Variants in RPL7A observed in about 807,000 individuals in gnomAD.
RPL7A encodes the protein large ribosomal subunit protein eL8.
For synonymous variants in RPL7A, 158 were observed against 128.2 expected, an observed-to-expected ratio of 1.23 and a Z score of -1.57; for missense variants, 291 against 338.2, an observed-to-expected ratio of 0.86 and a Z score of 1.09.
intron 5 of RPL7A, 109 bp from the exon 6 acceptor site, chr9:133,350,488 C>T: frequency 3.8e-6 from 6 of 1,575,094 alleles, no homozygotes; most frequent in East Asian, 2.2e-5. Flanking sequence ...CTGAATTCAA[C>T]CTTGAAGTGC....
Position 133,349,656 on chromosome 9 carries a change from C to T in RPL7A, c.230C>T (p.Pro77Leu). The T allele has an allele frequency of 1.2e-6, 2 of 1,614,082 alleles. No homozygotes were observed. Among genetic ancestry groups the T allele is most frequent in the African/African-American group, 1.3e-5 (1 of 75,064 alleles). ...ATCCTCTATAAGCGGCTGAAAGTGCCTCCTGCGATTAACCAGTTCACCCAG... is the reference window on the plus strand; with the variant it reads ...ATCCTCTATAAGCGGCTGAAAGTGCTTCCTGCGATTAACCAGTTCACCCAG... Reference protein sequence around the residue: ...RAILYKRLKVPPAINQFTQAL... With the variant: ...RAILYKRLKVLPAINQFTQAL... Residue 77 changes from proline to leucine, a missense_variant, in exon 3 of 8, where the codon CCT (proline) becomes CTT (leucine). Physicochemically the swap from Pro to Leu is moderately conservative, Grantham distance 98. Transcript: ENST00000323345.
rs1281838525 is a variant in RPL7A, at chr9:133,350,566, A to G, written c.496-31A>G. On this transcript the variant is annotated intron_variant, in intron 5 of 7. Transcript: ENST00000323345. Reference sequence around the variant, plus strand: ...ACTGAAATTTGCTGCTTTTGGTCAAAATACAGTCTTCAGCTAATGCTTTCT... The same window carrying G: ...ACTGAAATTTGCTGCTTTTGGTCAAGATACAGTCTTCAGCTAATGCTTTCT... 7 of 1,614,024 alleles carry G rather than the reference A, an allele frequency of 4.3e-6. No individual in the cohort carries two copies. The Admixed American group carries it at 5.0e-5, about 12-fold the overall frequency.
intron 1 of RPL7A, 89 bp from the exon 2 acceptor site, chr9:133,348,833 G>A (rs2129981296): frequency 6.2e-7 from 1 of 1,602,572 alleles, no homozygotes; most frequent in South Asian, 1.1e-5. Context: ...TGCTGTCAGC[G>A]TCCCTTGTTT....
At chr9:133,348,644 G>A (rs1246104391) in intron 1 of RPL7A, 1 of 662,672 alleles carries the variant, frequency 1.5e-6, no homozygotes, top group African/African-American at 1.8e-5. Flanking sequence ...GAGGAGTCAT[G>A]AGTCCGGGGT....
At position 133,348,950 on chromosome 9, in the gene RPL7A, A is replaced by G; in HGVS notation, c.32A>G (p.Lys11Arg). 6.2e-7 allele frequency: 1 copy of G among 1,613,988 alleles called. No homozygotes were observed. Among genetic ancestry groups the G allele is most frequent in the Non-Finnish European group, 8.5e-7 (1 of 1,179,996 alleles). ...AAAGGAAAGAAGGCCAAGGGAAAGA[A>G]GGTGGCTCCGGCCCCAGCTGTCGTG... MPKGKKAKGK[K>R]VAPAPAVVKK... Residue 11 changes from lysine (K) to arginine (R), a missense_variant, in exon 2 of 8, where the codon AAG becomes AGG. Lys to Arg is a conservative substitution (Grantham distance 26, BLOSUM62 2). Coordinates refer to ENST00000323345, the MANE Select transcript of RPL7A (RefSeq NM_000972.3).
intron 7 of RPL7A, 86 bp from the exon 8 acceptor site, chr9:133,351,176 C>T: frequency 6.5e-7 from 1 of 1,536,682 alleles, no homozygotes; most frequent in South Asian, 1.1e-5. Context: ...CAGCTTGGAA[C>T]AGCCAAACAG....
intron 4 of RPL7A, 68 bp downstream of exon 4, chr9:133,350,120 C>G (rs2129991489): frequency 1.2e-6 from 2 of 1,613,380 alleles, no homozygotes; most frequent in African/African-American, 1.3e-5. Flanking sequence ...ATTTCTTGGC[C>G]TGAAATTACT....
At chr9:133,349,303 G>GTAC in intron 2 of RPL7A, 2 of 784,782 alleles carry the variant, frequency 2.5e-6, no homozygotes, top group South Asian at 2.8e-5. Flanking sequence ...TCGCAGCGAG[G>GTAC]TACTAGGACT....
chr9:133,350,063 C>T lies in RPL7A; in HGVS notation c.415+11C>T. ...CTGTCCTTCGAGCAGGTGAGTAGGC[C>T]CCACCTTAGGGTGAACACTGGGGGC... On this transcript the variant is annotated intron_variant, in intron 4 of 7. Transcript: ENST00000323345. 1 of 1,613,848 alleles carries T rather than the reference C, an allele frequency of 6.2e-7. No individual in the cohort carries two copies. The highest frequency in any genetic ancestry group is 8.5e-7 in the Non-Finnish European group (1 of 1,180,018).
intron 2 of RPL7A, 149 bp downstream of exon 2, chr9:133,349,191 T>C (rs2129984054): frequency 1.9e-5 from 19 of 994,120 alleles, no homozygotes; most frequent in Non-Finnish European, 2.9e-5. Context: ...CAATGATACA[T>C]GCTTCTTGCT....
rs1251360489 is a variant in RPL7A at position 133,349,586 on chromosome 9, T to C, written c.160T>C (p.Phe54Leu). Residue 54 changes from phenylalanine (F) to leucine (L), a missense_variant, in exon 3 of 8, where the codon TTT (phenylalanine) becomes CTT (leucine). Transcript: ENST00000323345. ...DIQPKRDLTR[F>L]VKWPRYIRLQ... Reference sequence around the variant, plus strand: ...CCAGCCCAAAAGAGACCTCACCCGCTTTGTGAAATGGCCCCGCTATATCAG... The same window carrying C: ...CCAGCCCAAAAGAGACCTCACCCGCCTTGTGAAATGGCCCCGCTATATCAG... 6 of 1,613,936 alleles carry C rather than the reference T, an allele frequency of 3.7e-6. No homozygotes were observed. Among genetic ancestry groups the C allele is most frequent in the Non-Finnish European group, 5.1e-6 (6 of 1,180,006 alleles).
rs2129999408 is a variant in RPL7A, at chr9:133,351,325, G to A, written c.760G>A (p.Glu254Lys). Residue 254 changes from glutamate (E) to lysine (K), a missense_variant, in exon 8 of 8, where the codon GAA becomes AAA. Coordinates refer to ENST00000323345, the MANE Select transcript of RPL7A (RefSeq NM_000972.3). ...PKSVARIAKL[E>K]KAKAKELATK... Reference sequence around the variant, plus strand: ...GTCTGTGGCTCGTATCGCCAAGCTCGAAAAGGCAAAGGCTAAAGAACTTGC... The same window carrying A: ...GTCTGTGGCTCGTATCGCCAAGCTCAAAAAGGCAAAGGCTAAAGAACTTGC... The A allele has an allele frequency of 4.3e-6, 7 of 1,613,682 alleles. No homozygotes were observed. Among genetic ancestry groups the A allele is most frequent in the East Asian group, 2.2e-5 (1 of 44,888 alleles).
chr9:133,349,239 T>A, intron 2 of RPL7A, 197 bp downstream of exon 2: 1 of 752,236 alleles, frequency 1.3e-6, no homozygotes, highest in East Asian at 2.6e-5. Context: ...CAGCTCAATA[T>A]GGTAGTGGCC....
intron 1 of RPL7A, 156 bp downstream of exon 1, chr9:133,348,402 C>T (rs1836273466): frequency 9.4e-7 from 1 of 1,059,982 alleles, no homozygotes; most frequent in African/African-American, 1.7e-5. Context: ...GATTAGAGCC[C>T]CACTTGGTGT....
Position 133,350,295 on chromosome 9 carries a change from T to A in RPL7A, c.471T>A (p.Ile157=). Residue 157 remains isoleucine, a synonymous_variant, in exon 5 of 8, where the codon ATT becomes ATA. Transcript: ENST00000323345. ...VENKKAQLVV[I]AHDVDPIELV... is the part of the protein sequence containing the mutation. ...ACAAGAAAGCTCAGCTGGTGGTGAT[T>A]GCACACGACGTGGATCCCATCGAGG... 1.2e-6 allele frequency: 2 copies of A among 1,614,000 alleles called. No individual in the cohort carries two copies. Among genetic ancestry groups the A allele is most frequent in the Admixed American group, 1.7e-5 (1 of 59,998 alleles).
chr9:133,350,113 T>C (rs2129991408), intron 4 of RPL7A, 61 bp downstream of exon 4: 1 of 1,613,856 alleles, frequency 6.2e-7, no homozygotes, highest in South Asian at 1.1e-5. Flanking sequence ...ATGTAAAATT[T>C]CTTGGCCTGA....
At position 133,351,370 on chromosome 9, in the gene RPL7A, T is replaced by C. The variant is rs781944519; in HGVS notation, c.*4T>C. The C allele has an allele frequency of 1.9e-6, 3 of 1,578,468 alleles. No homozygotes were observed. The highest frequency in any genetic ancestry group is 2.6e-6 in the Non-Finnish European group (3 of 1,150,468). ...ACTTGCCACTAAACTGGGTTAAATG[T>C]ACACTGTTGAGTTTTCTGTACATAA... is the stretch of plus-strand genomic sequence containing the variant. On this transcript the variant is annotated 3_prime_UTR_variant, in exon 8 of 8. Transcript: ENST00000323345.
chr9:133,349,137 T>G, intron 2 of RPL7A, 95 bp downstream of exon 2: 4 of 1,452,078 alleles, frequency 2.8e-6, no homozygotes, highest in South Asian at 1.3e-5. Flanking sequence ...TTAGTGGGTG[T>G]AAAGTGGTCG....
intron 3 of RPL7A, 77 bp from the exon 4 acceptor site, chr9:133,349,835 C>T (rs1448877276): frequency 6.3e-6 from 10 of 1,587,758 alleles, no homozygotes; most frequent in East Asian, 2.2e-5. Flanking sequence ...GACCGCAGTC[C>T]AGCATTTGTT....
Sources: allele counts gnomAD v4.1 joint callset, GRCh38; gene constraint gnomAD v4.1.1; transcripts MANE v1.5; gene names NCBI Gene and HGNC (gene_info 2026-07-23, HGNC 2026-07-21).